Variants in CCDC150 observed in about 807,000 individuals in gnomAD.
The protein encoded by CCDC150 is coiled-coil domain-containing protein 150.
A neutral mutation model predicts 156.5 loss-of-function variants in CCDC150; 151 were observed. The ratio of observed to expected loss-of-function variants is 0.97; its 90% CI spans 0.85 to 1.10. CCDC150 has a LOEUF of 1.10. Among genes scored for constraint, CCDC150 ranks in the 50% least tolerant of loss-of-function variants. CCDC150 has a pLI of 0.00. For missense variants in CCDC150, 1,312 were observed against 1,268.1 expected, an observed-to-expected ratio of 1.03 and a Z score of -0.53; for synonymous variants, 452 against 429.4, an observed-to-expected ratio of 1.05 and a Z score of -0.65.
chr2:196,654,380 A>G (rs1693062948), intron 2 of CCDC150, among the ~76,000 whole-genome samples: 1 of 151,130 alleles, frequency 6.6e-6, no homozygotes, highest in Non-Finnish European at 1.5e-5. Context: ...TGATGATGGC[A>G]TATTGTTCTG....
chr2:196,676,585 A>G lies in CCDC150; in HGVS notation c.1294A>G (p.Ile432Val), dbSNP rs748520009. The change falls in exon 12 of 28, where the codon ATC (isoleucine) becomes GTC (valine). Residue 432 changes from isoleucine to valine, a missense_variant. Ile to Val is a conservative substitution (Grantham distance 29). Transcript: ENST00000389175. Reference protein sequence around the residue: ...DHLILEHNQCIQKAQDAEKRT... With the variant: ...DHLILEHNQCVQKAQDAEKRT... ...TTTAATCCTTGAGCATAACCAGTGT[A>G]TCCAGAAAGCACAGGATGCTGAAAA... is the stretch of plus-strand genomic sequence containing the variant. The G allele has an allele frequency of 9.3e-6, 15 of 1,613,570 alleles. No individual in the cohort carries two copies. Among genetic ancestry groups the G allele is most frequent in the Non-Finnish European group, 1.3e-5 (15 of 1,179,732 alleles).
At chr2:196,653,931 C>G (rs774432352) in intron 2 of CCDC150, among the ~76,000 whole-genome samples, 1 of 152,130 alleles carries the variant, frequency 6.6e-6, no homozygotes, top group African/African-American at 2.4e-5. Context: ...TGATGAGGGC[C>G]TCAGGAAGCT....
intron 2 of CCDC150, among the ~76,000 whole-genome samples, chr2:196,655,240 A>G (rs1376311378): frequency 6.6e-6 from 1 of 152,204 alleles, no homozygotes; most frequent in Non-Finnish European, 1.5e-5. Context: ...CTCTGAGGGT[A>G]TGGCCACTGG....
intron 15 of CCDC150, among the ~76,000 whole-genome samples, chr2:196,710,132 A>G (rs535118024): frequency 2.6e-5 from 4 of 152,210 alleles, no homozygotes; most frequent in Non-Finnish European, 5.9e-5. Context: ...AGTCTACAGA[A>G]GCAGGAGGTC....
chr2:196,655,265 TA>T (rs1406717101), intron 2 of CCDC150, among the ~76,000 whole-genome samples: 1 of 152,258 alleles, frequency 6.6e-6, no homozygotes, highest in Admixed American at 6.5e-5. Flanking sequence ...GGGCCCGTTT[TA>T]TATCTACCTC....
chr2:196,641,054 C>T (rs888622029), intron 1 of CCDC150, among the ~76,000 whole-genome samples: 2 of 152,216 alleles, frequency 1.3e-5, no homozygotes, highest in Non-Finnish European at 1.5e-5. Flanking sequence ...GCTCCGCCTC[C>T]TGGGTTCACA....
chr2:196,730,991 A>G (rs935484665), intron 26 of CCDC150, 46 bp downstream of exon 26: 1 of 1,451,876 alleles, frequency 6.9e-7, no homozygotes, highest in Non-Finnish European at 9.4e-7. Flanking sequence ...TTCCTTCAAC[A>G]CAGCAACCCT....
At chr2:196,710,893 T>A (rs574545891) in intron 15 of CCDC150, among the ~76,000 whole-genome samples, 34 of 152,204 alleles carry the variant, frequency 2.2e-4, no homozygotes, top group African/African-American at 8.2e-4. Flanking sequence ...CAGTGGTGGA[T>A]AGATGGGATG....
intron 17 of CCDC150, chr2:196,713,065 A>C (rs1218124378): frequency 4.1e-6 from 2 of 484,068 alleles, no homozygotes; most frequent in Non-Finnish European, 7.2e-6. Flanking sequence ...TGGAATACTC[A>C]TAGAGTTCTA....
At chr2:196,657,829 G>A (rs1417247408) in intron 4 of CCDC150, among the ~76,000 whole-genome samples, 4 of 152,092 alleles carry the variant, frequency 2.6e-5, no homozygotes, top group Non-Finnish European at 5.9e-5. Context: ...GATAGTACTG[G>A]GTCCCTGGGA....
chr2:196,651,307 A>G (rs1692859298), intron 2 of CCDC150, among the ~76,000 whole-genome samples: 1 of 152,224 alleles, frequency 6.6e-6, no homozygotes, highest in Non-Finnish European at 1.5e-5. Flanking sequence ...TACTAGAGAT[A>G]TAATTGATTA....
chr2:196,729,174 T>G lies in CCDC150; in HGVS notation c.2557-19T>G. On this transcript the variant is annotated intron_variant, in intron 22 of 27. Coordinates refer to ENST00000389175, the MANE Select transcript of CCDC150 (RefSeq NM_001080539.2). ...AATGGAAAGTAAAAATGTTTCAATT[T>G]TCTCCCTTGTGTTTTAAGCTGAAGA... is the stretch of plus-strand genomic sequence containing the variant. The G allele has an allele frequency of 6.3e-7, 1 of 1,580,908 alleles. No homozygotes were observed. Among genetic ancestry groups the G allele is most frequent in the Non-Finnish European group, 8.6e-7 (1 of 1,168,406 alleles).
intron 21 of CCDC150, among the ~76,000 whole-genome samples, chr2:196,725,557 T>A (rs571857384): frequency 6.6e-6 from 1 of 152,288 alleles, no homozygotes; most frequent in South Asian, 2.1e-4. Context: ...CAAAAAGACA[T>A]CATCTTACTA....
At chr2:196,726,399 C>T (rs547674460) in intron 22 of CCDC150, 5 of 248,796 alleles carry the variant, frequency 2.0e-5, no homozygotes, top group Admixed American at 4.6e-5. Context: ...TCTGTCTTCT[C>T]AGTTCATTTA....
chr2:196,697,590 G>A (rs1038385878), intron 14 of CCDC150, among the ~76,000 whole-genome samples: 4 of 152,068 alleles, frequency 2.6e-5, no homozygotes, highest in Non-Finnish European at 4.4e-5. Context: ...TTAAAACCAG[G>A]ATGACATTGT....
At chr2:196,714,232 G>A (rs1005528999) in intron 17 of CCDC150, among the ~76,000 whole-genome samples, 7 of 152,104 alleles carry the variant, frequency 4.6e-5, no homozygotes, top group African/African-American at 1.7e-4. Flanking sequence ...GCGAAAGCAG[G>A]GATTTATTAA....
chr2:196,640,114 T>C (rs931546302), intron 1 of CCDC150, among the ~76,000 whole-genome samples: 6 of 152,192 alleles, frequency 3.9e-5, no homozygotes, highest in Non-Finnish European at 5.9e-5. Flanking sequence ...GTTTGATTTT[T>C]GCCACCAGTT....
intron 1 of CCDC150, among the ~76,000 whole-genome samples, chr2:196,640,366 C>T (rs1362369371): frequency 6.6e-6 from 1 of 152,116 alleles, no homozygotes; most frequent in Non-Finnish European, 1.5e-5. Context: ...GTCTTAAATG[C>T]CCCCCAACAC....
chr2:196,693,066 C>A (rs558298887), intron 13 of CCDC150, among the ~76,000 whole-genome samples: 2 of 152,250 alleles, frequency 1.3e-5, no homozygotes, highest in East Asian at 1.9e-4. Flanking sequence ...TTATGTAATG[C>A]CCTTCTTTGT....
Sources: gnomAD v4.1 joint callset for allele counts (sites outside exome capture counted in the v4.1 genomes callset) on GRCh38, gnomAD v4.1.1 for gene constraint, MANE v1.5 for transcripts, NCBI Gene and HGNC (gene_info 2026-07-23, HGNC 2026-07-21) for gene names.